FAXC: variants seen among roughly 807,000 people sequenced by gnomAD.
FAXC encodes failed axon connections homolog.
Under a neutral mutation model 41.9 loss-of-function variants are expected in FAXC, and 10 were observed. The observed-to-expected ratio is 0.24, with a 90% CI of 0.15 to 0.41. The LOEUF (loss-of-function observed/expected upper bound fraction) is 0.41, where lower values mean the gene tolerates loss of function less well. Among genes scored for constraint, FAXC ranks in the 10% least tolerant of loss-of-function variants. The probability of loss-of-function intolerance (pLI) is 1.00; values close to 1 mark genes in which losing one functional copy is unlikely to be tolerated. For synonymous variants in FAXC, 183 were observed against 183.8 expected, an observed-to-expected ratio of 1.00 and a Z score of 0.03; for missense variants, 399 against 510.9, an observed-to-expected ratio of 0.78 and a Z score of 2.11.
intron 4 of FAXC, among the ~76,000 whole-genome samples, chr6:99,315,712 T>A (rs1323795386): frequency 6.6e-6 from 1 of 152,208 alleles, no homozygotes; most frequent in Non-Finnish European, 1.5e-5. Context: ...ATTTACAAAT[T>A]TAAATTTTTT....
At chr6:99,348,806 T>A (rs1773685749) in intron 1 of FAXC, among the ~76,000 whole-genome samples, 1 of 152,232 alleles carries the variant, frequency 6.6e-6, no homozygotes. Flanking sequence ...ATTCTATTGT[T>A]GCAAACACAC....
rs1257047844 is a variant in FAXC, at chr6:99,279,307, T to C, written c.*1857A>G. On this transcript the variant is annotated 3_prime_UTR_variant, in exon 6 of 6. Transcript: ENST00000389677. ...CTAAGTTTCCCATGGAATAAGAATTTCTAACTTAGGGTATCTCAGCACGTA... is the reference window on the plus strand; with the variant it reads ...CTAAGTTTCCCATGGAATAAGAATTCCTAACTTAGGGTATCTCAGCACGTA... 1 of 152,222 alleles carries C rather than the reference T, an allele frequency of 6.6e-6. No individual in the cohort carries two copies. The highest frequency in any genetic ancestry group is 1.5e-5 in the Non-Finnish European group (1 of 68,046). The allele number at this position is 152,222 out of a possible 1,614,324, so 9.4% of individuals were successfully genotyped here.
chr6:99,315,255 AAAAAAAAC>A lies in FAXC; in HGVS notation c.823+8181_823+8188del, dbSNP rs1181117221. On this transcript the variant is annotated intron_variant, in intron 4 of 5. Transcript: ENST00000389677. ...CTTAAAAAAAAAAAAAAAAAAAAAA[AAAAAAAAC>A]CAGTAAATGTCACCTCCTTGAAGAA... Among the ~76,000 whole-genome samples the A allele has an allele frequency of 8.0e-4, 108 of 135,286 alleles. 3 individuals are homozygous for A. The highest frequency in any genetic ancestry group is 4.9e-3 in the South Asian group (20 of 4,054). The allele number at this position is 135,286 out of a possible 152,430, so 88.8% of individuals were successfully genotyped here.
chr6:99,327,111 C>T (rs894983454), intron 3 of FAXC, among the ~76,000 whole-genome samples: 1 of 152,154 alleles, frequency 6.6e-6, no homozygotes, highest in Non-Finnish European at 1.5e-5. Flanking sequence ...TTCTATCTTG[C>T]CCTTGATTTT....
At chr6:99,304,756 G>A (rs1406792542) in intron 4 of FAXC, among the ~76,000 whole-genome samples, 1 of 152,148 alleles carries the variant, frequency 6.6e-6, no homozygotes, top group African/African-American at 2.4e-5. Context: ...AATTCCTTCA[G>A]GATGACAATG....
At chr6:99,283,676 G>C (rs140370369) in intron 5 of FAXC, among the ~76,000 whole-genome samples, 24 of 152,300 alleles carry the variant, frequency 1.6e-4, no homozygotes, top group African/African-American at 5.1e-4. Flanking sequence ...GGACAGTCAT[G>C]AAACGCCTCA....
Position 99,333,334 on chromosome 6 carries a change from C to T in FAXC, c.599+17G>A. On this transcript the variant is annotated intron_variant, in intron 3 of 5. Coordinates refer to ENST00000389677, the MANE Select transcript of FAXC (RefSeq NM_032511.4). The stretch of plus-strand genomic sequence containing the variant: ...GGCTTACTTCGAAAGGACGGGGACA[C>T]CCCAGAGGGGACTCACCAGTAGAAG... The T allele has an allele frequency of 6.3e-7, 1 of 1,594,744 alleles. No homozygotes were observed. Among genetic ancestry groups the T allele is most frequent in the Non-Finnish European group, 8.5e-7 (1 of 1,171,944 alleles).
intron 3 of FAXC, among the ~76,000 whole-genome samples, chr6:99,332,053 C>G (rs1318868166): frequency 6.6e-6 from 1 of 152,168 alleles, no homozygotes; most frequent in Non-Finnish European, 1.5e-5. Flanking sequence ...TCCAGCCTCT[C>G]CCCAGCCCCC....
At chr6:99,287,710 AAT>A (rs1771078189) in intron 5 of FAXC, among the ~76,000 whole-genome samples, 1 of 152,160 alleles carries the variant, frequency 6.6e-6, no homozygotes, top group Non-Finnish European at 1.5e-5. Flanking sequence ...CCAGTTCTAA[AAT>A]CTCCAGGCTA....
chr6:99,334,888 C>T (rs1441087868), intron 2 of FAXC, among the ~76,000 whole-genome samples: 2 of 152,164 alleles, frequency 1.3e-5, no homozygotes, highest in African/African-American at 4.8e-5. Flanking sequence ...TATCTAAGTC[C>T]CTCTGGTCTC....
At chr6:99,327,613 G>A (rs878933383) in intron 3 of FAXC, among the ~76,000 whole-genome samples, 36 of 151,782 alleles carry the variant, frequency 2.4e-4, no homozygotes, top group African/African-American at 2.7e-4. Flanking sequence ...CTCCACACTC[G>A]TGGAGCCATC....
In FAXC at chr6:99,298,895, T is replaced by A. The variant is rs573170424; in HGVS notation, c.824-7075A>T. 2.6e-5 allele frequency among the ~76,000 whole-genome samples: 4 copies of A among 152,280 alleles called. No individual in the cohort carries two copies. In the South Asian group the frequency reaches 8.3e-4, roughly 32 times the overall value. On this transcript the variant is annotated intron_variant, in intron 4 of 5. Transcript: ENST00000389677. ...TCTCTCCAAGTGTAGGAATCCCTTCTCACACTTTCCTACCAGATACTCCCC... is the reference window on the plus strand; with the variant it reads ...TCTCTCCAAGTGTAGGAATCCCTTCACACACTTTCCTACCAGATACTCCCC...
At chr6:99,293,535 C>T (rs1250795162) in intron 4 of FAXC, among the ~76,000 whole-genome samples, 2 of 152,144 alleles carry the variant, frequency 1.3e-5, no homozygotes, top group African/African-American at 4.8e-5. Flanking sequence ...CATTTAATGC[C>T]TATTAACCTT....
chr6:99,349,497 G>T lies in FAXC; in HGVS notation c.-125C>A. The T allele has an allele frequency of 1.5e-6, 1 of 671,708 alleles. No homozygotes were observed. Among genetic ancestry groups the T allele is most frequent in the Non-Finnish European group, 1.8e-6 (1 of 545,418 alleles). The allele number at this position is 671,708 out of a possible 1,614,324, so 41.6% of individuals were successfully genotyped here. A position where few individuals can be genotyped will look rare whatever the true frequency, so the allele number is the denominator to read the frequency against. On this transcript the variant is annotated 5_prime_UTR_variant, in exon 1 of 6. Coordinates refer to ENST00000389677, the MANE Select transcript of FAXC (RefSeq NM_032511.4). ...GCGGGCGGCGCGGGCGGCGGCGACT[G>T]AGGAGGCGGCGGCGACTGAGGAGGC...
At chr6:99,286,071 C>T (rs1193882827) in intron 5 of FAXC, among the ~76,000 whole-genome samples, 1 of 152,200 alleles carries the variant, frequency 6.6e-6, no homozygotes, top group African/African-American at 2.4e-5. Context: ...CATAGGCCAA[C>T]ATCCAAACAC....
In FAXC at chr6:99,277,610, G is replaced by A. The variant is rs1025734057; in HGVS notation, c.*3554C>T. On this transcript the variant is annotated 3_prime_UTR_variant, in exon 6 of 6. Coordinates refer to ENST00000389677, the MANE Select transcript of FAXC (RefSeq NM_032511.4). ...AGGTCTCTTGTATTGGTCTTGACCAGGCTGACAGGACATGGACAAAAGCGA... is the reference window on the plus strand; with the variant it reads ...AGGTCTCTTGTATTGGTCTTGACCAAGCTGACAGGACATGGACAAAAGCGA... 6.6e-6 allele frequency: 1 copy of A among 152,258 alleles called. No homozygotes were observed. The highest frequency in any genetic ancestry group is 2.4e-5 in the African/African-American group (1 of 41,448). The allele number at this position is 152,258 out of a possible 1,614,324, so 9.4% of individuals were successfully genotyped here.
intron 3 of FAXC, among the ~76,000 whole-genome samples, chr6:99,324,386 C>A (rs1486698714): frequency 6.6e-6 from 1 of 151,924 alleles, no homozygotes; most frequent in Non-Finnish European, 1.5e-5. Context: ...TTTTTGATAG[C>A]GCATTAGGGA....
At chr6:99,347,662 T>C (rs758019029) in intron 1 of FAXC, among the ~76,000 whole-genome samples, 16 of 152,226 alleles carry the variant, frequency 1.1e-4, no homozygotes, top group Non-Finnish European at 2.2e-4. Flanking sequence ...CTTCACTCCC[T>C]CCACTGCTGA....
chr6:99,346,594 G>A (rs1330420157), intron 1 of FAXC, among the ~76,000 whole-genome samples: 5 of 61,478 alleles, frequency 8.1e-5, no homozygotes, highest in African/African-American at 5.0e-4. Context: ...TAGTAGACGG[G>A]GTTTCACAAT....
Sources: gnomAD v4.1 joint callset for allele counts (sites outside exome capture counted in the v4.1 genomes callset) on GRCh38, gnomAD v4.1.1 for gene constraint, MANE v1.5 for transcripts, NCBI Gene and HGNC (gene_info 2026-07-23, HGNC 2026-07-21) for gene names.